The following LDLRAD3 variants were observed in gnomAD, a reference collection of about 807,000 sequenced individuals.
LDLRAD3 encodes the protein low density lipoprotein receptor class A domain containing 3.
LDLRAD3 carries 20 observed loss-of-function variants against 29.4 expected under a neutral mutation model. That is an observed-to-expected ratio of 0.68 (90% CI 0.48 to 0.99). The LOEUF (loss-of-function observed/expected upper bound fraction) is 0.99, where lower values mean the gene tolerates loss of function less well. Among genes scored for constraint, LDLRAD3 ranks in the 50% least tolerant of loss-of-function variants. LDLRAD3 has a pLI of 0.00. For synonymous variants in LDLRAD3, 157 were observed against 192.7 expected (o/e 0.81, Z 1.53); for missense variants, 420 against 454.3 (o/e 0.92, Z 0.69).
chr11:35,954,111 A>T (rs557206970), intron 1 of LDLRAD3, among the ~76,000 whole-genome samples: 7 of 152,240 alleles, frequency 4.6e-5, no homozygotes, highest in Non-Finnish European at 8.8e-5. Flanking sequence ...AAGGTTTAGC[A>T]TACCCAGAGT....
chr11:36,192,133 C>T (rs1219894554), intron 4 of LDLRAD3, among the ~76,000 whole-genome samples: 1 of 152,186 alleles, frequency 6.6e-6, no homozygotes, highest in African/African-American at 2.4e-5. Context: ...AAGCCTCTTA[C>T]AACTATTTGA....
At chr11:36,224,986 A>AT (rs758217403) in intron 4 of LDLRAD3, among the ~76,000 whole-genome samples, 53 of 152,212 alleles carry the variant, frequency 3.5e-4, no homozygotes, top group Non-Finnish European at 6.2e-4. Context: ...GAATAAACAG[A>AT]TTTTTTTCCC....
At chr11:36,210,653 A>T (rs1236397809) in intron 4 of LDLRAD3, among the ~76,000 whole-genome samples, 1 of 152,184 alleles carries the variant, frequency 6.6e-6, no homozygotes, top group Non-Finnish European at 1.5e-5. Context: ...CTCCACCAAG[A>T]CTTCATTTCA....
intron 4 of LDLRAD3, chr11:36,196,119 G>A (rs944140127): frequency 2.0e-5 from 3 of 152,052 alleles, no homozygotes; most frequent in African/African-American, 7.2e-5. Context: ...CCTAGTAGCT[G>A]GGTCTGTTTC....
chr11:36,166,881 T>G (rs1307772178), intron 4 of LDLRAD3, among the ~76,000 whole-genome samples: 1 of 152,148 alleles, frequency 6.6e-6, no homozygotes, highest in Non-Finnish European at 1.5e-5. Flanking sequence ...CCAAGCACCA[T>G]TTGAATAGCG....
chr11:36,114,017 A>G (rs1853641031), intron 4 of LDLRAD3, among the ~76,000 whole-genome samples: 1 of 152,162 alleles, frequency 6.6e-6, no homozygotes, highest in South Asian at 2.1e-4. Flanking sequence ...AGGACTTTCT[A>G]TAATATTATG....
chr11:36,144,173 C>T (rs887948657), intron 4 of LDLRAD3, among the ~76,000 whole-genome samples: 4 of 151,954 alleles, frequency 2.6e-5, no homozygotes, highest in Admixed American at 1.3e-4. Context: ...GCGAGTGATC[C>T]GCCAGCCTCG....
At chr11:36,078,075 C>G (rs1853045727) in intron 2 of LDLRAD3, among the ~76,000 whole-genome samples, 1 of 152,150 alleles carries the variant, frequency 6.6e-6, no homozygotes, top group Non-Finnish European at 1.5e-5. Flanking sequence ...GAGAGGGTAG[C>G]TCCTCTCTGC....
intron 4 of LDLRAD3, among the ~76,000 whole-genome samples, chr11:36,136,767 G>C (rs1336734924): frequency 6.6e-6 from 1 of 151,388 alleles, no homozygotes; most frequent in African/African-American, 2.4e-5. Context: ...CTTAGCTCAC[G>C]GTTACCCCTG....
chr11:36,082,056 GA>G (rs1180232702), intron 3 of LDLRAD3, among the ~76,000 whole-genome samples: 1 of 152,226 alleles, frequency 6.6e-6, no homozygotes, highest in Non-Finnish European at 1.5e-5. Context: ...TTAGTTAACA[GA>G]TAAGAAATTT....
At chr11:36,145,817 T>G (rs1854183093) in intron 4 of LDLRAD3, among the ~76,000 whole-genome samples, 1 of 150,436 alleles carries the variant, frequency 6.6e-6, no homozygotes, top group African/African-American at 2.5e-5. Flanking sequence ...GCATGCTGGT[T>G]AAGAGTCATC....
chr11:35,974,976 G>A (rs925122459), intron 1 of LDLRAD3, among the ~76,000 whole-genome samples: 4 of 152,204 alleles, frequency 2.6e-5, no homozygotes, highest in African/African-American at 9.6e-5. Flanking sequence ...GAAGCCAGCT[G>A]CAAGAAGTAA....
At chr11:36,022,013 T>C (rs1852103934) in intron 1 of LDLRAD3, among the ~76,000 whole-genome samples, 1 of 152,172 alleles carries the variant, frequency 6.6e-6, no homozygotes, top group African/African-American at 2.4e-5. Context: ...TCTTCCAGTG[T>C]CTTGATATTG....
At chr11:35,959,549 A>G (rs1415964947) in intron 1 of LDLRAD3, among the ~76,000 whole-genome samples, 2 of 152,242 alleles carry the variant, frequency 1.3e-5, no homozygotes, top group East Asian at 1.9e-4. Context: ...TGAGAACAGT[A>G]TAACAAACAG....
intron 4 of LDLRAD3, among the ~76,000 whole-genome samples, chr11:36,105,420 T>C (rs991028834): frequency 6.6e-6 from 1 of 152,062 alleles, no homozygotes; most frequent in African/African-American, 2.4e-5. Flanking sequence ...CCTTGTTGAA[T>C]TGTCCTCCTC....
intron 2 of LDLRAD3, among the ~76,000 whole-genome samples, chr11:36,079,368 GGAGGATGAGGAT>G (rs146000409): frequency 4.6e-5 from 7 of 152,142 alleles, no homozygotes; most frequent in African/African-American, 9.7e-5. Context: ...GTGATGATGA[GGAGGATGAGGAT>G]GAGGATGAGG....
intron 4 of LDLRAD3, among the ~76,000 whole-genome samples, chr11:36,222,420 A>G (rs1855442168): frequency 6.6e-6 from 1 of 151,938 alleles, no homozygotes; most frequent in African/African-American, 2.4e-5. Flanking sequence ...ATATTAATAT[A>G]TATTATTAGC....
intron 3 of LDLRAD3, among the ~76,000 whole-genome samples, chr11:36,092,116 C>T (rs4756270): frequency 0.58 from 88,709 of 152,002 alleles, 26,528 homozygotes; most frequent in African/African-American, 0.72. Context: ...CTATCTGAGA[C>T]GTATCGAATC....
chr11:36,085,906 AC>A (rs1853189186), intron 3 of LDLRAD3, among the ~76,000 whole-genome samples: 1 of 152,132 alleles, frequency 6.6e-6, no homozygotes, highest in African/African-American at 2.4e-5. Context: ...AGCATGAGCC[AC>A]CACACCAGAG....
Sources: gnomAD v4.1 joint callset for allele counts (sites outside exome capture counted in the v4.1 genomes callset) on GRCh38, gnomAD v4.1.1 for gene constraint, MANE v1.5 for transcripts, NCBI Gene and HGNC (gene_info 2026-07-23, HGNC 2026-07-21) for gene names.